Variants in TRMT10B observed in about 807,000 individuals in gnomAD.
TRMT10B encodes the protein tRNA methyltransferase 10 homolog B.
A neutral mutation model predicts 43.8 loss-of-function variants in TRMT10B; 33 were observed. That is an observed-to-expected ratio of 0.75 (90% confidence interval 0.57 to 1.01). The LOEUF (loss-of-function observed/expected upper bound fraction) is 1.01. Among genes scored for constraint, TRMT10B ranks in the 50% least tolerant of loss-of-function variants. TRMT10B has a pLI of 0.00. For synonymous variants in TRMT10B, 137 were observed against 130.6 expected, an observed-to-expected ratio of 1.05 and a Z score of -0.34; for missense variants, 362 against 369.8, an observed-to-expected ratio of 0.98 and a Z score of 0.17.
At chr9:37,763,148 AAAAAAAAAAAAAAAAAAC>A (rs1826568091) in intron 3 of TRMT10B, among the ~76,000 whole-genome samples, 1 of 139,320 alleles carries the variant, frequency 7.2e-6, no homozygotes, top group Admixed American at 7.9e-5. Flanking sequence ...TGTCTCAAAA[AAAAAAAAAAAAAAAAAAC>A]AAAAAAAAAA....
At chr9:37,760,662 AAAG>A (rs1028947959) in intron 1 of TRMT10B, among the ~76,000 whole-genome samples, 2 of 148,520 alleles carry the variant, frequency 1.3e-5, no homozygotes, top group African/African-American at 4.9e-5. Flanking sequence ...AAAGAACAAA[AAAG>A]AACTGGTTAA....
chr9:37,773,826 C>T (rs372973563), intron 7 of TRMT10B, among the ~76,000 whole-genome samples: 10 of 152,108 alleles, frequency 6.6e-5, no homozygotes, highest in Admixed American at 2.0e-4. Flanking sequence ...GAGCGAGACT[C>T]TGTTTCATAC....
At chr9:37,769,702 A>G (rs1827357419) in intron 5 of TRMT10B, 1 of 471,196 alleles carries the variant, frequency 2.1e-6, no homozygotes, top group East Asian at 3.5e-5. Context: ...GGCTCAAGCC[A>G]TCCTGCCACC....
chr9:37,769,625 T>G (rs568183426), intron 5 of TRMT10B: 65 of 240,734 alleles, frequency 2.7e-4, no homozygotes, highest in Non-Finnish European at 4.8e-4. Flanking sequence ...GGGGTTTTTT[T>G]TTTTTTTTTA....
intron 1 of TRMT10B, among the ~76,000 whole-genome samples, chr9:37,754,085 C>T (rs1825311132): frequency 6.6e-6 from 1 of 152,258 alleles, no homozygotes; most frequent in Admixed American, 6.5e-5. Context: ...GATGTGCCAT[C>T]ACTTAGCGGC....
chr9:37,764,002 C>CCTCTCT, intron 4 of TRMT10B: 1 of 502,100 alleles, frequency 2.0e-6, no homozygotes, highest in Non-Finnish European at 3.4e-6. Flanking sequence ...AACATCTTTG[C>CCTCTCT]CTCTCTGTTC....
chr9:37,757,766 A>G (rs1473355013), intron 1 of TRMT10B, among the ~76,000 whole-genome samples: 2 of 152,210 alleles, frequency 1.3e-5, no homozygotes, highest in African/African-American at 4.8e-5. Flanking sequence ...AGTGAAAGGT[A>G]TCTAATTCTT....
chr9:37,769,078 C>T (rs1827271417), intron 5 of TRMT10B, among the ~76,000 whole-genome samples: 1 of 151,864 alleles, frequency 6.6e-6, no homozygotes, highest in Non-Finnish European at 1.5e-5. Flanking sequence ...GAGGCCGAGG[C>T]AGGTGGATTG....
In TRMT10B at chr9:37,777,617, C is replaced by T. The variant is rs1012174706; in HGVS notation, c.861C>T (p.Ser287=). The T allele has an allele frequency of 3.6e-5, 58 of 1,613,442 alleles. No individual in the cohort carries two copies. The highest frequency in any genetic ancestry group is 4.8e-5 in the Non-Finnish European group (57 of 1,179,652). ...CTCTAACAGTGTTTGATATCCTGTC[C>T]ACTTACTTAGAGACTCACAACTGGC... is the stretch of plus-strand genomic sequence containing the variant. ...LAINQVFDIL[S]TYLETHNWPE... is the part of the protein sequence containing the mutation. Residue 287 remains serine, a synonymous_variant, in exon 9 of 9, where the codon TCC becomes TCT. Transcript: ENST00000297994.
chr9:37,767,513 C>CAACAAAAAAAAAAAAAAAAAA (rs1827105280), intron 4 of TRMT10B: 1 of 78,048 alleles, frequency 1.3e-5, no homozygotes, highest in Non-Finnish European at 2.3e-5. Context: ...ACCCTGTCTC[C>CAACAAAAAAAAAAAAAAAAAA]AAAAAAAAAA....
chr9:37,758,534 G>T (rs770491199), intron 1 of TRMT10B, among the ~76,000 whole-genome samples: 2 of 152,122 alleles, frequency 1.3e-5, no homozygotes, highest in African/African-American at 4.8e-5. Context: ...AAAATTAAAG[G>T]CTCAGTTGGA....
intron 7 of TRMT10B, among the ~76,000 whole-genome samples, chr9:37,772,640 C>A (rs1827711870): frequency 6.6e-6 from 1 of 152,136 alleles, no homozygotes; most frequent in Non-Finnish European, 1.5e-5. Context: ...GTGGGACATT[C>A]TGCAAAACAA....
chr9:37,754,235 C>T (rs1825343105), intron 1 of TRMT10B, among the ~76,000 whole-genome samples: 1 of 152,142 alleles, frequency 6.6e-6, no homozygotes, highest in Non-Finnish European at 1.5e-5. Flanking sequence ...CACTTGCCTA[C>T]ATTGAAGGGA....
At chr9:37,769,310 A>AAAAAAT (rs1827301964) in intron 5 of TRMT10B, among the ~76,000 whole-genome samples, 1 of 66,850 alleles carries the variant, frequency 1.5e-5, no homozygotes, top group South Asian at 5.5e-4. Flanking sequence ...CCTGTCTTTA[A>AAAAAAT]AAAAAAAAAA....
rs369357830 is a variant in TRMT10B at position 37,776,438 on chromosome 9, T to A, written c.844+33T>A. 285 of 1,587,936 alleles carry A rather than the reference T, an allele frequency of 1.8e-4. No homozygotes were observed. Among genetic ancestry groups the A allele is most frequent in the Non-Finnish European group, 2.3e-4 (269 of 1,169,544 alleles). On this transcript the variant is annotated intron_variant, in intron 8 of 8. Transcript: ENST00000297994. ...TTACACGGCCCCCATCCAGGGTGTG[T>A]GAGTTCTGGTGCTGCTGCTTTGCAC...
Position 37,755,268 on chromosome 9 carries a change from CTTTTT to C in TRMT10B, c.-30+1433_-30+1437del, listed in dbSNP as rs61444533. On this transcript the variant is annotated intron_variant, in intron 1 of 8. Transcript: ENST00000297994. ...CCTGGGCGACAGAGTAAGACTCCGT[CTTTTT>C]TTTTTTTTTTTTTTTTAAAGTTAGT... Among the ~76,000 whole-genome samples the C allele has an allele frequency of 3.4e-3, 425 of 124,452 alleles. 2 individuals carry two copies. The highest frequency in any genetic ancestry group is 0.011 in the African/African-American group (395 of 34,372). The allele number at this position is 124,452 out of a possible 152,430, so 81.6% of individuals were successfully genotyped here.
rs1451670900 is a variant in TRMT10B, at chr9:37,778,941, T to C, written c.*1234T>C. 6.6e-6 allele frequency: 1 copy of C among 151,706 alleles called. No individual in the cohort carries two copies. The highest frequency in any genetic ancestry group is 1.9e-4 in the East Asian group (1 of 5,198). The allele number at this position is 151,706 out of a possible 1,614,324, so 9.4% of individuals were successfully genotyped here. A position where few individuals can be genotyped will look rare whatever the true frequency, so the allele number is the denominator to read the frequency against. Reference sequence around the variant, plus strand: ...GTACCAACTAGATTCTTCATATGTATTTGTAACAGATTAAATTGGAAAGCA... The same window carrying C: ...GTACCAACTAGATTCTTCATATGTACTTGTAACAGATTAAATTGGAAAGCA... On this transcript the variant is annotated 3_prime_UTR_variant, in exon 9 of 9. Coordinates refer to ENST00000297994, the MANE Select transcript of TRMT10B (RefSeq NM_144964.4).
At chr9:37,755,173 G>T (rs1825497231) in intron 1 of TRMT10B, among the ~76,000 whole-genome samples, 1 of 152,044 alleles carries the variant, frequency 6.6e-6, no homozygotes, top group Non-Finnish European at 1.5e-5. Flanking sequence ...TCAGGAAGCT[G>T]AGGCAGGAGA....
chr9:37,762,065 G>C lies in TRMT10B; in HGVS notation c.134G>C (p.Gly45Ala). 6.2e-7 allele frequency: 1 copy of C among 1,614,152 alleles called. No individual in the cohort carries two copies. Among genetic ancestry groups the C allele is most frequent in the Non-Finnish European group, 8.5e-7 (1 of 1,180,024 alleles). ...GFQLLQIDAE[G>A]ECQEGEILAT... ...CAGCTTCTGCAGATCGATGCGGAAG[G>C]CGAGTGCCAGGAGGGAGAGATCCTG... The change falls in exon 2 of 9, where the codon GGC becomes GCC. Residue 45 changes from glycine to alanine, a missense_variant. By Grantham distance (60) the Gly-to-Ala change is moderately conservative. Coordinates refer to ENST00000297994, the MANE Select transcript of TRMT10B (RefSeq NM_144964.4).
Sources: gnomAD v4.1 joint callset for allele counts (sites outside exome capture counted in the v4.1 genomes callset) on GRCh38, gnomAD v4.1.1 for gene constraint, MANE v1.5 for transcripts, NCBI Gene and HGNC (gene_info 2026-07-23, HGNC 2026-07-21) for gene names.